KIAA1217: variants seen among roughly 807,000 people sequenced by gnomAD.
KIAA1217 encodes the protein sickle tail protein homolog.
Under a neutral mutation model 163.9 loss-of-function variants are expected in KIAA1217, and 88 were observed. The ratio of observed to expected loss-of-function variants is 0.54; its 90% CI spans 0.45 to 0.64. The LOEUF (loss-of-function observed/expected upper bound fraction) is 0.64. Among genes scored for constraint, KIAA1217 ranks in the 30% least tolerant of loss-of-function variants. The pLI is 0.00. For missense variants in KIAA1217, 2,372 were observed against 2,475.0 expected, an observed-to-expected ratio of 0.96 and a Z score of 0.88; for synonymous variants, 903 against 923.1, an observed-to-expected ratio of 0.98 and a Z score of 0.39.
chr10:24,536,704 C>T (rs1373765480), intron 16 of KIAA1217, 70 bp from the exon 17 acceptor site: 12 of 1,542,616 alleles, frequency 7.8e-6, no homozygotes, highest in African/African-American at 4.1e-5. Flanking sequence ...TCTGGTTGTT[C>T]CTGCCTGTTT....
intron 2 of KIAA1217, among the ~76,000 whole-genome samples, chr10:24,075,442 T>TA (rs1179070709): frequency 6.6e-6 from 1 of 152,090 alleles, no homozygotes; most frequent in Non-Finnish European, 1.5e-5. Context: ...TTCCTTTCCT[T>TA]AATTGCTGTA....
intron 2 of KIAA1217, among the ~76,000 whole-genome samples, chr10:24,091,829 G>T (rs992003863): frequency 6.6e-6 from 1 of 151,706 alleles, no homozygotes; most frequent in African/African-American, 2.4e-5. Flanking sequence ...AAATAACAGG[G>T]TGAACATGAT....
chr10:24,037,993 G>T (rs926240057), intron 2 of KIAA1217, among the ~76,000 whole-genome samples: 3 of 152,170 alleles, frequency 2.0e-5, no homozygotes, highest in Admixed American at 2.0e-4. Flanking sequence ...CACATCCTTT[G>T]TTAGGAATGA....
At chr10:24,077,424 A>G (rs1332541359) in intron 2 of KIAA1217, among the ~76,000 whole-genome samples, 1 of 152,180 alleles carries the variant, frequency 6.6e-6, no homozygotes, top group Non-Finnish European at 1.5e-5. Context: ...AAGTGAAAAC[A>G]TATGGTATTT....
intron 1 of KIAA1217, among the ~76,000 whole-genome samples, chr10:23,980,924 G>T (rs937366236): frequency 1.3e-5 from 2 of 152,136 alleles, no homozygotes; most frequent in African/African-American, 4.8e-5. Context: ...AATGGGTGTG[G>T]TTACCTTTGC....
intron 2 of KIAA1217, among the ~76,000 whole-genome samples, chr10:24,246,894 A>G (rs755439127): frequency 1.6e-4 from 24 of 152,064 alleles, no homozygotes; most frequent in Non-Finnish European, 2.6e-4. Flanking sequence ...CGCATCTGCA[A>G]TTCCAGCTAC....
intron 3 of KIAA1217, among the ~76,000 whole-genome samples, chr10:24,400,898 T>C (rs1425188143): frequency 6.6e-6 from 1 of 150,988 alleles, no homozygotes; most frequent in Non-Finnish European, 1.5e-5. Flanking sequence ...AGAATTTTTC[T>C]AGAATTGAAG....
intron 1 of KIAA1217, among the ~76,000 whole-genome samples, chr10:23,973,282 C>T (rs546197675): frequency 6.6e-4 from 101 of 152,298 alleles, no homozygotes; most frequent in African/African-American, 2.3e-3. Context: ...TTTAGCCTAT[C>T]GTTATAATCG....
Position 24,520,127 on chromosome 10 carries a change from T to TTGGAAGACTTTG in KIAA1217, c.2184_2195dup (p.Phe731_Asp734dup). ...CTGGTGTCCTTGCTCCCGCAGCGAGTTGGAAGACTTTGTTGAAGACTTGAA... is the reference window on the plus strand; with the variant it reads ...CTGGTGTCCTTGCTCCCGCAGCGAGTTGGAAGACTTTGTGGAAGACTTTGTTGAAGACTTGAA... On this transcript the variant is annotated inframe_insertion, in exon 11 of 21. Transcript: ENST00000376454. The TTGGAAGACTTTG allele has an allele frequency of 6.2e-7, 1 of 1,613,572 alleles. No individual in the cohort carries two copies. Among genetic ancestry groups the TTGGAAGACTTTG allele is most frequent in the African/African-American group, 1.3e-5 (1 of 74,954 alleles).
intron 2 of KIAA1217, among the ~76,000 whole-genome samples, chr10:24,084,260 C>G (rs1477271565): frequency 6.6e-6 from 1 of 152,192 alleles, no homozygotes; most frequent in Non-Finnish European, 1.5e-5. Flanking sequence ...TACTTACTTT[C>G]ACTTATTTGG....
chr10:24,075,534 T>C (rs2061341442), intron 2 of KIAA1217, among the ~76,000 whole-genome samples: 1 of 152,178 alleles, frequency 6.6e-6, no homozygotes, highest in Admixed American at 6.5e-5. Flanking sequence ...TTTATGTTTA[T>C]ATCGTCCCTT....
intron 5 of KIAA1217, among the ~76,000 whole-genome samples, chr10:24,465,622 C>G (rs16924795): frequency 6.6e-6 from 1 of 152,300 alleles, no homozygotes; most frequent in East Asian, 1.9e-4. Context: ...GCTCAGAAAA[C>G]ATGATGGTAA....
chr10:23,700,472 A>G (rs2130700966), intron 1 of KIAA1217, among the ~76,000 whole-genome samples: 1 of 152,154 alleles, frequency 6.6e-6, no homozygotes, highest in East Asian at 1.9e-4. Flanking sequence ...CTCTGCTTAA[A>G]TTTTATAATA....
At chr10:24,230,708 T>G (rs2071287591) in intron 2 of KIAA1217, among the ~76,000 whole-genome samples, 1 of 152,026 alleles carries the variant, frequency 6.6e-6, no homozygotes, top group Non-Finnish European at 1.5e-5. Flanking sequence ...CTTTTGCATT[T>G]TTAGTTGAAA....
intron 1 of KIAA1217, among the ~76,000 whole-genome samples, chr10:23,756,866 A>G (rs1467074206): frequency 1.3e-5 from 2 of 152,232 alleles, no homozygotes; most frequent in African/African-American, 4.8e-5. Context: ...AGTTTATCCC[A>G]CATACATTTT....
At chr10:24,478,861 C>A (rs1381605761) in intron 6 of KIAA1217, among the ~76,000 whole-genome samples, 1 of 152,146 alleles carries the variant, frequency 6.6e-6, no homozygotes, top group African/African-American at 2.4e-5. Context: ...ATGTAAAATA[C>A]CTTTAGTGAA....
chr10:24,415,116 T>C (rs2058125154), intron 3 of KIAA1217, among the ~76,000 whole-genome samples: 1 of 129,190 alleles, frequency 7.7e-6, no homozygotes, highest in Non-Finnish European at 1.7e-5. Context: ...CTCTCTTTTT[T>C]TTTTTTTTTT....
intron 1 of KIAA1217, among the ~76,000 whole-genome samples, chr10:23,994,789 G>T (rs1039702216): frequency 6.6e-6 from 1 of 152,166 alleles, no homozygotes; most frequent in Non-Finnish European, 1.5e-5. Context: ...CTTTAAAACT[G>T]TAGAAACTTT....
At chr10:23,855,057 A>T (rs964313071) in intron 1 of KIAA1217, among the ~76,000 whole-genome samples, 2 of 152,144 alleles carry the variant, frequency 1.3e-5, no homozygotes, top group African/African-American at 4.8e-5. Context: ...TCCTGTCATT[A>T]TGATGTTAGC....
Sources: gnomAD v4.1 joint callset for allele counts (sites outside exome capture counted in the v4.1 genomes callset) on GRCh38, gnomAD v4.1.1 for gene constraint, MANE v1.5 for transcripts, NCBI Gene and HGNC (gene_info 2026-07-23, HGNC 2026-07-21) for gene names.